Variants in GNB1L observed in about 807,000 individuals in gnomAD.
The protein encoded by GNB1L is guanine nucleotide-binding protein subunit beta-like protein 1.
In GNB1L, 20 loss-of-function variants were observed where a neutral mutation model predicts 29.1. The observed-to-expected ratio is 0.69, with a 90% CI of 0.48 to 1.00. The LOEUF (loss-of-function observed/expected upper bound fraction) is 1.00, where lower values mean the gene tolerates loss of function less well. Ranked by LOEUF, GNB1L falls within the 50% of genes least tolerant of loss-of-function variation. The pLI is 0.00. For missense variants in GNB1L, 421 were observed against 464.9 expected (o/e 0.91, Z 0.87); for synonymous variants, 193 against 206.5 (o/e 0.93, Z 0.56).
At chr22:19,801,905 C>G (rs924096848) in intron 7 of GNB1L, 96 bp downstream of exon 7, 2 of 1,058,696 alleles carry the variant, frequency 1.9e-6, no homozygotes, top group African/African-American at 3.2e-5. Context: ...AGCCAGGGAT[C>G]TGCAACAACT....
chr22:19,792,511 G>T, intron 7 of GNB1L: 2 of 1,542,302 alleles, frequency 1.3e-6, no homozygotes, highest in Non-Finnish European at 1.8e-6. Context: ...CTCTATAAGC[G>T]GCTGAAAGTG....
At chr22:19,841,725 T>C (rs1370924987) in intron 2 of GNB1L, among the ~76,000 whole-genome samples, 1 of 152,228 alleles carries the variant, frequency 6.6e-6, no homozygotes, top group Non-Finnish European at 1.5e-5. Flanking sequence ...TGCCCTAATA[T>C]AAATTCATCA....
chr22:19,808,309 G>A (rs886484329), intron 5 of GNB1L, among the ~76,000 whole-genome samples: 1 of 152,180 alleles, frequency 6.6e-6, no homozygotes, highest in African/African-American at 2.4e-5. Flanking sequence ...GGGGCCTCAG[G>A]GGGAGCCAAC....
chr22:19,839,230 T>C (rs963700635), intron 2 of GNB1L, among the ~76,000 whole-genome samples: 2 of 152,084 alleles, frequency 1.3e-5, no homozygotes, highest in African/African-American at 2.4e-5. Context: ...GACACAGACA[T>C]GGGTTAGGAC....
intron 2 of GNB1L, chr22:19,851,841 C>G: frequency 6.2e-7 from 1 of 1,613,982 alleles, no homozygotes; most frequent in Non-Finnish European, 8.5e-7. Context: ...CTGAGGATCT[C>G]GCAGACACGG....
intron 6 of GNB1L, among the ~76,000 whole-genome samples, chr22:19,805,678 A>G (rs1435261382): frequency 6.6e-6 from 1 of 152,172 alleles, no homozygotes; most frequent in African/African-American, 2.4e-5. Flanking sequence ...GCTACTCAGG[A>G]GGCTGAGGCA....
At chr22:19,848,817 C>T in intron 2 of GNB1L, 1 of 985,384 alleles carries the variant, frequency 1.0e-6, no homozygotes, top group Non-Finnish European at 1.2e-6. Flanking sequence ...GGCAGCAATC[C>T]CAGGCTGGAG....
intron 2 of GNB1L, chr22:19,851,009 C>T: frequency 7.0e-7 from 1 of 1,418,634 alleles, no homozygotes; most frequent in Non-Finnish European, 9.2e-7. Context: ...GGAGCTGGTT[C>T]TGCTCAGCGC....
At chr22:19,833,558 C>A (rs866500733) in intron 2 of GNB1L, among the ~76,000 whole-genome samples, 2 of 152,054 alleles carry the variant, frequency 1.3e-5, no homozygotes, top group African/African-American at 4.8e-5. Flanking sequence ...GAGCAAGACC[C>A]TGTCTCTAAA....
At chr22:19,789,511 G>A (rs376510348) in intron 7 of GNB1L, among the ~76,000 whole-genome samples, 14 of 152,118 alleles carry the variant, frequency 9.2e-5, no homozygotes, top group South Asian at 6.2e-4. Context: ...GCAGGATGAG[G>A]GGGGGACAAG....
At chr22:19,827,428 T>A (rs184590109) in intron 2 of GNB1L, among the ~76,000 whole-genome samples, 1 of 152,150 alleles carries the variant, frequency 6.6e-6, no homozygotes, top group Non-Finnish European at 1.5e-5. Flanking sequence ...CATAAAAGCA[T>A]GCCAGAGGGG....
intron 7 of GNB1L, chr22:19,792,330 G>T: frequency 1.0e-6 from 1 of 963,516 alleles, no homozygotes; most frequent in South Asian, 1.3e-5. Context: ...AAAGAAGGTG[G>T]CTCTGGCCCC....
chr22:19,817,486 AG>A (rs1569045978), intron 4 of GNB1L, among the ~76,000 whole-genome samples: 1 of 152,110 alleles, frequency 6.6e-6, no homozygotes, highest in East Asian at 1.9e-4. Flanking sequence ...TCTCAAAAAA[AG>A]AAAAAAAAAC....
At chr22:19,853,165 C>T (rs1451514971) in intron 2 of GNB1L, among the ~76,000 whole-genome samples, 2 of 152,016 alleles carry the variant, frequency 1.3e-5, no homozygotes, top group African/African-American at 4.8e-5. Flanking sequence ...GGCAATGCCA[C>T]CCCCACCCAC....
At chr22:19,823,417 C>T (rs535363638) in intron 2 of GNB1L, among the ~76,000 whole-genome samples, 6 of 152,338 alleles carry the variant, frequency 3.9e-5, no homozygotes, top group East Asian at 1.9e-4. Flanking sequence ...CTGCCCTCAG[C>T]GGGCTGGCTT....
intron 7 of GNB1L, among the ~76,000 whole-genome samples, chr22:19,800,012 G>A (rs1013057752): frequency 3.3e-5 from 5 of 152,218 alleles, no homozygotes; most frequent in Non-Finnish European, 5.9e-5. Context: ...CAGGGGAAAC[G>A]CCTCTCCTTC....
At chr22:19,805,553 C>T (rs142025990) in intron 6 of GNB1L, among the ~76,000 whole-genome samples, 2 of 151,938 alleles carry the variant, frequency 1.3e-5, no homozygotes, top group Admixed American at 6.5e-5. Flanking sequence ...GAGGCCGAAG[C>T]GGGCGGATCA....
intron 2 of GNB1L, chr22:19,847,563 G>C: frequency 1.0e-6 from 1 of 985,288 alleles, no homozygotes; most frequent in Non-Finnish European, 1.2e-6. Flanking sequence ...GCGGGGAGGG[G>C]AGGAGGCAAG....
rs80206483 is a variant in GNB1L at position 19,794,055 on chromosome 22, T to C, written c.733-5095A>G. 6.5e-3 allele frequency among the ~76,000 whole-genome samples: 989 copies of C among 152,186 alleles called. 11 individuals carry two copies. Among genetic ancestry groups the C allele is most frequent in the African/African-American group, 0.023 (942 of 41,510 alleles). On this transcript the variant is annotated intron_variant, in intron 7 of 7. Transcript: ENST00000329517. ...ATGCCTTTAATCCCAGCATGTGGGATTGCTTGAACCTAGGAGTTCAAGGCC... is the reference window on the plus strand; with the variant it reads ...ATGCCTTTAATCCCAGCATGTGGGACTGCTTGAACCTAGGAGTTCAAGGCC...
Sources: allele counts gnomAD v4.1 joint callset (sites outside exome capture counted in the v4.1 genomes callset), GRCh38; gene constraint gnomAD v4.1.1; transcripts MANE v1.5; gene names NCBI Gene and HGNC (gene_info 2026-07-23, HGNC 2026-07-21).